The following INSIG1 variants were observed in gnomAD, a reference collection of about 807,000 sequenced individuals.
INSIG1 encodes the protein insulin-induced gene 1 protein.
In INSIG1, 14 loss-of-function variants were observed where a neutral mutation model predicts 26.5. That is an observed-to-expected ratio of 0.53 (90% CI 0.35 to 0.83). The LOEUF (loss-of-function observed/expected upper bound fraction) is 0.83. Ranked by LOEUF, INSIG1 falls within the 40% of genes least tolerant of loss-of-function variation. INSIG1 has a pLI of 0.01. For synonymous variants in INSIG1, 147 were observed against 153.3 expected (o/e 0.96, Z 0.30); for missense variants, 272 against 368.9 (o/e 0.74, Z 2.15).
chr7:155,308,555 G>T lies in INSIG1; in HGVS notation c.*285G>T. On this transcript the variant is annotated 3_prime_UTR_variant, in exon 6 of 6. Transcript: ENST00000340368. Reference sequence around the variant, plus strand: ...GCAGGTGGCAGCTTCCCAAGTATTCGATTTCATTCATGTGATTAAAACAAG... The same window carrying T: ...GCAGGTGGCAGCTTCCCAAGTATTCTATTTCATTCATGTGATTAAAACAAG... The T allele has an allele frequency of 6.9e-6, 3 of 435,576 alleles. No homozygotes were observed. Among genetic ancestry groups the T allele is most frequent in the South Asian group, 3.6e-5 (1 of 27,538 alleles). 27.0% of individuals were successfully genotyped at this position (435,576 alleles called of 1,614,324 possible). A position where few individuals can be genotyped will look rare whatever the true frequency, so the allele number is the denominator to read the frequency against.
chr7:155,306,558 A>G (rs1563033476), intron 5 of INSIG1, among the ~76,000 whole-genome samples: 1 of 152,190 alleles, frequency 6.6e-6, no homozygotes, highest in African/African-American at 2.4e-5. Flanking sequence ...TAATAATACT[A>G]TTATTGTTAT....
At chr7:155,299,218 G>C (rs895713374) in intron 2 of INSIG1, among the ~76,000 whole-genome samples, 1 of 152,188 alleles carries the variant, frequency 6.6e-6, no homozygotes, top group African/African-American at 2.4e-5. Context: ...AGTAAACTGT[G>C]GTCTGAAGCC....
At chr7:155,305,884 C>A (rs1338619722) in intron 5 of INSIG1, among the ~76,000 whole-genome samples, 1 of 152,212 alleles carries the variant, frequency 6.6e-6, no homozygotes, top group Non-Finnish European at 1.5e-5. Flanking sequence ...GGTCTCCTAG[C>A]TTTTTCTATG....
At position 155,301,559 on chromosome 7, in the gene INSIG1, A is replaced by G; in HGVS notation, c.413-7A>G. 2.5e-6 allele frequency: 4 copies of G among 1,597,670 alleles called. No individual in the cohort carries two copies. Among genetic ancestry groups the G allele is most frequent in the Non-Finnish European group, 3.4e-6 (4 of 1,170,968 alleles). On this transcript the variant is annotated splice_region_variant and splice_polypyrimidine_tract_variant and intron_variant, in intron 2 of 5. Coordinates refer to ENST00000340368, the MANE Select transcript of INSIG1 (RefSeq NM_005542.6). ...GTATTCTAACATTGTCAACTTTTTT[A>G]AAACAGCTGTTGTTGGCCTACTGTA... is the stretch of plus-strand genomic sequence containing the variant.
At position 155,302,780 on chromosome 7, in the gene INSIG1, T is replaced by C; in HGVS notation, c.738T>C (p.Ser246=). 1 of 1,612,936 alleles carries C rather than the reference T, an allele frequency of 6.2e-7. No homozygotes were observed. Among genetic ancestry groups the C allele is most frequent in the Non-Finnish European group, 8.5e-7 (1 of 1,178,918 alleles). Residue 246 remains serine, a synonymous_variant, in exon 5 of 6, where the codon TCT becomes TCC. Coordinates refer to ENST00000340368, the MANE Select transcript of INSIG1 (RefSeq NM_005542.6). This position sits in a 1 kb window ranked among gnomAD's most constrained non-coding sequence, Gnocchi z 4.3. ...CCCCAGATTTCCTCTATATTCGTTC[T>C]TGGCTCCCTTGTATATTTTTCTCAG... ...YTSPDFLYIR[S]WLPCIFFSGG...
At chr7:155,298,725 A>G in intron 2 of INSIG1, 28 bp downstream of exon 2, 3 of 1,591,506 alleles carry the variant, frequency 1.9e-6, no homozygotes, top group Non-Finnish European at 2.6e-6. Context: ...TTCTTCTGGA[A>G]GTAAAAAGGG....
chr7:155,301,947 A>ATG (rs940340146), intron 3 of INSIG1, among the ~76,000 whole-genome samples: 3 of 143,730 alleles, frequency 2.1e-5, no homozygotes, highest in African/African-American at 7.5e-5. Context: ...TTAAATATAT[A>ATG]TAATATATAT....
At chr7:155,308,108 T>C (rs1410720389) in intron 5 of INSIG1, 133 bp from the exon 6 acceptor site, 2 of 586,344 alleles carry the variant, frequency 3.4e-6, no homozygotes, top group Non-Finnish European at 6.1e-6. Context: ...ATGTCCCACC[T>C]CTCAATCTTG....
intron 3 of INSIG1, among the ~76,000 whole-genome samples, chr7:155,301,905 TA>T (rs978608499): frequency 2.1e-4 from 29 of 140,004 alleles, no homozygotes; most frequent in Non-Finnish European, 3.2e-4. Context: ...AATATATATT[TA>T]TTTATATTTT....
intron 2 of INSIG1, among the ~76,000 whole-genome samples, 200 bp downstream of exon 2, chr7:155,298,897 T>C (rs1344002130): frequency 3.3e-5 from 5 of 152,144 alleles, no homozygotes; most frequent in Non-Finnish European, 7.4e-5. Flanking sequence ...GGGCCACAGC[T>C]CTCTGAAGTT....
intron 3 of INSIG1, among the ~76,000 whole-genome samples, chr7:155,301,957 TA>T (rs1482777912): frequency 7.0e-6 from 1 of 143,652 alleles, no homozygotes; most frequent in African/African-American, 2.5e-5. Flanking sequence ...ATAATATATA[TA>T]ATAAATATAT....
chr7:155,298,737 G>T (rs1371555631), intron 2 of INSIG1, 40 bp downstream of exon 2: 15 of 1,567,328 alleles, frequency 9.6e-6, no homozygotes, highest in African/African-American at 1.4e-5. Context: ...TAAAAAGGGT[G>T]TCTTTTCGGT....
intron 5 of INSIG1, among the ~76,000 whole-genome samples, chr7:155,307,901 TATTA>T (rs1469308432): frequency 6.6e-6 from 1 of 152,242 alleles, no homozygotes; most frequent in East Asian, 1.9e-4. Flanking sequence ...TTTATATAGA[TATTA>T]ATTTAGTTAA....
At position 155,302,539 on chromosome 7, in the gene INSIG1, C is replaced by A; in HGVS notation, c.704+122C>A. On this transcript the variant is annotated intron_variant, in intron 4 of 5. Coordinates refer to ENST00000340368, the MANE Select transcript of INSIG1 (RefSeq NM_005542.6). The surrounding 1 kb of genome is among the most constrained non-coding windows in gnomAD (Gnocchi z 4.3). ...TTATATAGAATGATACAGATTTAGG[C>A]ATGAAATTCTCAAAAATGCTGCTAT... is the stretch of plus-strand genomic sequence containing the variant. 5 of 1,143,900 alleles carry A rather than the reference C, an allele frequency of 4.4e-6. No homozygotes were observed. The highest frequency in any genetic ancestry group is 6.0e-6 in the Non-Finnish European group (5 of 829,484). 70.9% of individuals were successfully genotyped at this position (1,143,900 alleles called of 1,614,324 possible).
rs1347029638 is a variant in INSIG1 at position 155,309,559 on chromosome 7, G to C, written c.*1289G>C. On this transcript the variant is annotated 3_prime_UTR_variant, in exon 6 of 6. Transcript: ENST00000340368. The stretch of plus-strand genomic sequence containing the variant: ...TGTATTTTGCAATTTACATGTGTTT[G>C]GTTTGTTTTAAATTCTGTGAAAGTG... 2 of 152,178 alleles carry C rather than the reference G, an allele frequency of 1.3e-5. No individual in the cohort carries two copies. Among genetic ancestry groups the C allele is most frequent in the African/African-American group, 4.8e-5 (2 of 41,366 alleles). The allele number at this position is 152,178 out of a possible 1,614,324, so 9.4% of individuals were successfully genotyped here. A position where few individuals can be genotyped will look rare whatever the true frequency, so the allele number is the denominator to read the frequency against.
chr7:155,304,461 C>G lies in INSIG1; in HGVS notation c.804+1615C>G, dbSNP rs182502086. Among the ~76,000 whole-genome samples the G allele has an allele frequency of 7.9e-4, 120 of 152,302 alleles. 3 individuals carry two copies. The highest frequency in any genetic ancestry group is 6.8e-3 in the Admixed American group (104 of 15,294). ...TTTTTAGAATAAAATTGTCCTCAAC[C>G]AGATTGACTAATTACACATTATAAC... On this transcript the variant is annotated intron_variant, in intron 5 of 5. Coordinates refer to ENST00000340368, the MANE Select transcript of INSIG1 (RefSeq NM_005542.6).
At chr7:155,305,455 C>T (rs946039625) in intron 5 of INSIG1, among the ~76,000 whole-genome samples, 2 of 152,174 alleles carry the variant, frequency 1.3e-5, no homozygotes, top group Non-Finnish European at 2.9e-5. Context: ...GTGTTTTCTC[C>T]CAGGGCAGCC....
chr7:155,306,343 A>G (rs552819032), intron 5 of INSIG1, among the ~76,000 whole-genome samples: 1 of 152,362 alleles, frequency 6.6e-6, no homozygotes, highest in East Asian at 1.9e-4. Context: ...ACCATCATTT[A>G]TAGAACTTGT....
chr7:155,308,893 T>G lies in INSIG1; in HGVS notation c.*623T>G, dbSNP rs1798012353. On this transcript the variant is annotated 3_prime_UTR_variant, in exon 6 of 6. Coordinates refer to ENST00000340368, the MANE Select transcript of INSIG1 (RefSeq NM_005542.6). Reference sequence around the variant, plus strand: ...GTGTGTGTATCACCAGTGGGTCAACTGCTTGTCATTCCTCCCGTGGCAGTT... The same window carrying G: ...GTGTGTGTATCACCAGTGGGTCAACGGCTTGTCATTCCTCCCGTGGCAGTT... The G allele has an allele frequency of 1.3e-5, 2 of 152,718 alleles. No individual in the cohort carries two copies. The allele number at this position is 152,718 out of a possible 1,614,324, so 9.5% of individuals were successfully genotyped here.
Sources: allele counts gnomAD v4.1 joint callset (sites outside exome capture counted in the v4.1 genomes callset), GRCh38; gene constraint gnomAD v4.1.1; non-coding constraint Gnocchi (gnomAD v3.1); transcripts MANE v1.5; gene names NCBI Gene and HGNC (gene_info 2026-07-23, HGNC 2026-07-21).